Variants in PRDM2 observed in about 807,000 individuals in gnomAD.
PRDM2 encodes the protein PR domain zinc finger protein 2.
In PRDM2, 30 loss-of-function variants were observed where a neutral mutation model predicts 130.0. That is an observed-to-expected ratio of 0.23 (90% CI 0.17 to 0.31). The LOEUF (loss-of-function observed/expected upper bound fraction) is 0.31, where lower values mean the gene tolerates loss of function less well. Among genes scored for constraint, PRDM2 ranks in the 10% least tolerant of loss-of-function variants. The pLI, the probability that PRDM2 is intolerant of heterozygous loss-of-function variation, is 1.00. For missense variants in PRDM2, 2,011 were observed against 2,108.4 expected (o/e 0.95, Z 0.90); for synonymous variants, 871 against 782.4 (o/e 1.11, Z -1.89).
chr1:13,713,954 C>T (rs1177841775), intron 1 of PRDM2, among the ~76,000 whole-genome samples: 1 of 152,092 alleles, frequency 6.6e-6, no homozygotes, highest in African/African-American at 2.4e-5. Context: ...CTGCAAGCTC[C>T]GCCTCCCGGG....
chr1:13,722,743 G>A (rs1642771949), intron 2 of PRDM2: 1 of 451,100 alleles, frequency 2.2e-6, no homozygotes, highest in Admixed American at 2.4e-5. Flanking sequence ...GAGGGGATGA[G>A]CCCTCAGGTG....
At chr1:13,705,330 T>G (rs1165029230) in intron 1 of PRDM2, 1 of 152,196 alleles carries the variant, frequency 6.6e-6, no homozygotes, top group Non-Finnish European at 1.5e-5. Flanking sequence ...CTTAGATATT[T>G]CTCCTAATAC....
intron 6 of PRDM2, chr1:13,769,228 C>G: frequency 2.2e-6 from 2 of 892,234 alleles, no homozygotes; most frequent in Non-Finnish European, 2.7e-6. Flanking sequence ...TCCTCTGCCT[C>G]ACAGAGAGAA....
intron 5 of PRDM2, among the ~76,000 whole-genome samples, chr1:13,743,181 T>G (rs373817473): frequency 4.6e-5 from 7 of 152,030 alleles, no homozygotes; most frequent in African/African-American, 1.7e-4. Context: ...GGGCGGATCA[T>G]GAGGTCAGGA....
chr1:13,767,208 G>A (rs994627509), intron 6 of PRDM2, among the ~76,000 whole-genome samples: 2 of 151,410 alleles, frequency 1.3e-5, no homozygotes, highest in African/African-American at 2.4e-5. Flanking sequence ...CTGTGCTGTT[G>A]ACTTGTTTCT....
intron 1 of PRDM2, among the ~76,000 whole-genome samples, chr1:13,714,721 C>G (rs1437744830): frequency 6.6e-6 from 1 of 152,106 alleles, no homozygotes; most frequent in African/African-American, 2.4e-5. Flanking sequence ...AAGTTATAAG[C>G]AAGTGCATAA....
At chr1:13,751,742 CAGAG>C (rs905003387) in intron 6 of PRDM2, among the ~76,000 whole-genome samples, 1 of 152,122 alleles carries the variant, frequency 6.6e-6, no homozygotes, top group African/African-American at 2.4e-5. Context: ...CGTTATGAGA[CAGAG>C]AGAAAAACAA....
intron 5 of PRDM2, among the ~76,000 whole-genome samples, chr1:13,742,501 C>T (rs1643477798): frequency 2.6e-5 from 4 of 152,196 alleles, no homozygotes; most frequent in Non-Finnish European, 1.5e-5. Context: ...AATGCCTGGG[C>T]CTGCTTATAT....
chr1:13,782,899 T>C, intron 8 of PRDM2, 68 bp downstream of exon 8: 1 of 1,590,356 alleles, frequency 6.3e-7, no homozygotes, highest in African/African-American at 1.4e-5. Context: ...CGGGTGTTTT[T>C]TGGTTTCTTG....
At chr1:13,750,268 TA>T (rs1168143077) in intron 6 of PRDM2, among the ~76,000 whole-genome samples, 1 of 152,180 alleles carries the variant, frequency 6.6e-6, no homozygotes, top group East Asian at 1.9e-4. Context: ...CTTTTTTTTT[TA>T]ATGAAGAATT....
intron 2 of PRDM2, among the ~76,000 whole-genome samples, chr1:13,722,564 G>A (rs1311366634): frequency 2.0e-5 from 3 of 152,060 alleles, no homozygotes; most frequent in Non-Finnish European, 4.4e-5. Context: ...ATGAAAGGCT[G>A]TAGCCCACAG....
chr1:13,706,265 G>T (rs1166514316), intron 1 of PRDM2, among the ~76,000 whole-genome samples: 2 of 152,018 alleles, frequency 1.3e-5, no homozygotes, highest in Non-Finnish European at 2.9e-5. Flanking sequence ...GAACTGACTT[G>T]CCCAGCCCCA....
chr1:13,741,857 T>G (rs1643456380), intron 4 of PRDM2, 148 bp from the exon 5 acceptor site: 1 of 652,728 alleles, frequency 1.5e-6, no homozygotes, highest in South Asian at 2.4e-5. Flanking sequence ...ATTTTTCTTT[T>G]CTCTGTCGCT....
intron 8 of PRDM2, chr1:13,788,208 C>T: frequency 1.4e-6 from 1 of 700,616 alleles, no homozygotes. Flanking sequence ...CACCTGGCGT[C>T]TGTTCACTTG....
intron 8 of PRDM2, among the ~76,000 whole-genome samples, chr1:13,795,437 T>C (rs886935247): frequency 2.6e-5 from 4 of 152,208 alleles, no homozygotes; most frequent in African/African-American, 7.2e-5. Context: ...GTCTGTCTCA[T>C]CTCTTAATCA....
rs145450488 is a variant in PRDM2 at position 13,822,588 on chromosome 1, G to T, written c.*24-571G>T. ...TTTTTTGTATTTTTAGTAGAGACAG[G>T]GTTTCACCGTAGCCAGGATGGTCTC... On this transcript the variant is annotated intron_variant, in intron 9 of 9. Transcript: ENST00000311066. 1.8e-3 allele frequency among the ~76,000 whole-genome samples: 271 copies of T among 152,030 alleles called. 1 individual carries two copies. The highest frequency in any genetic ancestry group is 6.1e-3 in the African/African-American group (254 of 41,456).
In PRDM2 at chr1:13,823,436, C is replaced by T. The variant is rs1645385644; in HGVS notation, c.*301C>T. ...GCTCTTGGGACCGTGTTCTGCAGCC[C>T]AGCCTTCCTGTTGGGGTGGGGCCTC... is the stretch of plus-strand genomic sequence containing the variant. On this transcript the variant is annotated 3_prime_UTR_variant, in exon 10 of 10. Coordinates refer to ENST00000311066, the MANE Select transcript of PRDM2 (RefSeq NM_001393986.1). The T allele has an allele frequency of 5.6e-6, 3 of 537,130 alleles. No individual in the cohort carries two copies. The highest frequency in any genetic ancestry group is 4.8e-5 in the South Asian group (2 of 41,336). 33.3% of individuals were successfully genotyped at this position (537,130 alleles called of 1,614,324 possible).
At chr1:13,813,092 G>A (rs1436617236) in intron 8 of PRDM2, among the ~76,000 whole-genome samples, 1 of 152,182 alleles carries the variant, frequency 6.6e-6, no homozygotes. Flanking sequence ...CTGCAGTCAC[G>A]ACACTGTGCT....
intron 6 of PRDM2, among the ~76,000 whole-genome samples, chr1:13,754,237 C>A (rs1245527931): frequency 6.6e-6 from 1 of 152,028 alleles, no homozygotes; most frequent in Non-Finnish European, 1.5e-5. Flanking sequence ...ATATATTGGC[C>A]CTTTTTCTGC....
Sources: gnomAD v4.1 joint callset for allele counts (sites outside exome capture counted in the v4.1 genomes callset) on GRCh38, gnomAD v4.1.1 for gene constraint, MANE v1.5 for transcripts, NCBI Gene and HGNC (gene_info 2026-07-23, HGNC 2026-07-21) for gene names.